Variants in KIAA0930 observed in about 807,000 individuals in gnomAD.
KIAA0930 encodes the protein uncharacterized protein KIAA0930.
In KIAA0930, 24 loss-of-function variants were observed where a neutral mutation model predicts 43.9. That is an observed-to-expected ratio of 0.55 (90% CI 0.40 to 0.77). The LOEUF is 0.77. Among genes scored for constraint, KIAA0930 ranks in the 30% least tolerant of loss-of-function variants. The pLI, the probability that KIAA0930 is intolerant of heterozygous loss-of-function variation, is 0.00. For synonymous variants in KIAA0930, 259 were observed against 216.4 expected (o/e 1.20, Z -1.73); for missense variants, 461 against 574.2 (o/e 0.80, Z 2.02).
At position 45,196,296 on chromosome 22, in the gene KIAA0930, T is replaced by G. The variant is rs1044176635; in HGVS notation, c.*880A>C. ...GTGAGTTCTAGGAAACCAGGGAAGA[T>G]GAAAAGACACCCCCGCCCCCAGAAG... On this transcript the variant is annotated 3_prime_UTR_variant, in exon 10 of 10. Coordinates refer to ENST00000336156, the MANE Select transcript of KIAA0930 (RefSeq NM_001009880.2). The surrounding 1 kb of genome is among the most constrained non-coding windows in gnomAD (Gnocchi z 4.1). 6.6e-6 allele frequency: 1 copy of G among 152,360 alleles called. No homozygotes were observed. Among genetic ancestry groups the G allele is most frequent in the Non-Finnish European group, 1.5e-5 (1 of 68,088 alleles). The allele number at this position is 152,360 out of a possible 1,614,324, so 9.4% of individuals were successfully genotyped here. A position where few individuals can be genotyped will look rare whatever the true frequency, so the allele number is the denominator to read the frequency against.
chr22:45,208,944 C>T (rs2083666730), intron 2 of KIAA0930, among the ~76,000 whole-genome samples: 3 of 152,214 alleles, frequency 2.0e-5, no homozygotes, highest in African/African-American at 4.8e-5. Context: ...GCCAGCAGCA[C>T]ACAGAGCCAG....
intron 1 of KIAA0930, among the ~76,000 whole-genome samples, chr22:45,222,274 A>C (rs560736813): frequency 6.6e-6 from 1 of 152,222 alleles, no homozygotes; most frequent in Non-Finnish European, 1.5e-5. Flanking sequence ...AGAACATAAA[A>C]GCTATTAAGG....
chr22:45,206,312 C>T (rs1050024636), intron 2 of KIAA0930, among the ~76,000 whole-genome samples: 3 of 152,250 alleles, frequency 2.0e-5, no homozygotes, highest in East Asian at 1.9e-4. Flanking sequence ...CCACCATGCC[C>T]GGCCAGAACT....
At position 45,201,469 on chromosome 22, in the gene KIAA0930, C is replaced by T. The variant is rs562370321; in HGVS notation, c.853-1434G>A. Among the ~76,000 whole-genome samples, 13 of 152,312 alleles carry T rather than the reference C, an allele frequency of 8.5e-5. No individual in the cohort carries two copies. In the South Asian group the frequency reaches 2.7e-3, roughly 32 times the overall value. On this transcript the variant is annotated intron_variant, in intron 7 of 9. Coordinates refer to ENST00000336156, the MANE Select transcript of KIAA0930 (RefSeq NM_001009880.2). ...TAGTGACCTGTAGTCACTCAGCCCT[C>T]AGGCTGTGGCTGGAGGTGGCACCCG...
chr22:45,198,701 G>C (rs1044251192), intron 8 of KIAA0930, among the ~76,000 whole-genome samples: 1 of 152,206 alleles, frequency 6.6e-6, no homozygotes, highest in Admixed American at 6.5e-5. Flanking sequence ...CCAGGCTCGA[G>C]TGCAGTGGCA....
At chr22:45,206,051 C>T (rs754401452) in intron 2 of KIAA0930, 139 bp from the exon 3 acceptor site, 41 of 1,413,842 alleles carry the variant, frequency 2.9e-5, no homozygotes, top group Admixed American at 6.1e-5. Context: ...GGTCTCACAC[C>T]GCTGCCCAGG....
intron 1 of KIAA0930, among the ~76,000 whole-genome samples, chr22:45,220,510 G>A (rs185176287): frequency 1.4e-3 from 220 of 152,136 alleles, no homozygotes; most frequent in Non-Finnish European, 2.8e-3. Flanking sequence ...GCTCAAAAGA[G>A]AAATAACACA....
intron 5 of KIAA0930, among the ~76,000 whole-genome samples, chr22:45,204,269 C>T (rs930058896): frequency 1.3e-5 from 2 of 152,186 alleles, no homozygotes; most frequent in Non-Finnish European, 1.5e-5. Context: ...GACCGTCAGC[C>T]ACCGTCTGGG....
intron 2 of KIAA0930, among the ~76,000 whole-genome samples, chr22:45,207,979 T>C (rs2083653862): frequency 6.6e-6 from 1 of 152,144 alleles, no homozygotes; most frequent in Admixed American, 6.5e-5. Flanking sequence ...CAAAGCGCTG[T>C]GGACTCAGTG....
At position 45,199,880 on chromosome 22, in the gene KIAA0930, G is replaced by A. The variant is rs771691737; in HGVS notation, c.1008C>T (p.Asp336=). The change falls in exon 8 of 10, where the codon GAC becomes GAT. Residue 336 remains aspartate (D), a synonymous_variant. Coordinates refer to ENST00000336156, the MANE Select transcript of KIAA0930 (RefSeq NM_001009880.2). ...CACGGAGTGGGGGGTCACCTCCACC[G>A]TCGTCCTCCCGGAAGAACTCCTCGC... is the stretch of plus-strand genomic sequence containing the variant. ...NDSEEFFRED[D]GGADLHNATN... is the part of the protein sequence containing the mutation. 4.3e-5 allele frequency: 68 copies of A among 1,578,378 alleles called. 1 individual carries two copies. In the South Asian group the frequency reaches 4.7e-4, roughly 11 times the overall value.
chr22:45,238,221 C>T lies in KIAA0930; in HGVS notation c.64+2419G>A, dbSNP rs540351201. On this transcript the variant is annotated intron_variant, in intron 1 of 9. Transcript: ENST00000336156. ...GATTACAGGCATGAGCCACCACGCC[C>T]GGCCAAAAATGAGGCCTTCTAAGAA... Among the ~76,000 whole-genome samples, 113 of 152,250 alleles carry T rather than the reference C, an allele frequency of 7.4e-4. 1 individual carries two copies. Among genetic ancestry groups the T allele is most frequent in the African/African-American group, 2.5e-3 (105 of 41,554 alleles).
At chr22:45,199,169 C>T (rs1238741556) in intron 8 of KIAA0930, among the ~76,000 whole-genome samples, 1 of 152,160 alleles carries the variant, frequency 6.6e-6, no homozygotes, top group Admixed American at 6.5e-5. Flanking sequence ...TTGTGTCACT[C>T]CCTTGCTTAA....
At chr22:45,231,216 C>T (rs1007397249) in intron 1 of KIAA0930, among the ~76,000 whole-genome samples, 4 of 131,164 alleles carry the variant, frequency 3.0e-5, no homozygotes, top group African/African-American at 5.4e-5. Flanking sequence ...TCTGAGACTC[C>T]GTCTCAGAAA....
Position 45,232,818 on chromosome 22 carries a change from G to A in KIAA0930, c.64+7822C>T, listed in dbSNP as rs1363973404. The stretch of plus-strand genomic sequence containing the variant: ...AGGCTGGCCCACCGCCTCTCCATGT[G>A]GTGGGGCTGAGCCAGGGCTCTGTAT... On this transcript the variant is annotated intron_variant, in intron 1 of 9. Transcript: ENST00000336156. Among the ~76,000 whole-genome samples, 4 of 152,180 alleles carry A rather than the reference G, an allele frequency of 2.6e-5. No individual in the cohort carries two copies. The East Asian group carries it at 5.8e-4, about 22-fold the overall frequency.
intron 2 of KIAA0930, among the ~76,000 whole-genome samples, chr22:45,208,082 C>T (rs2083654869): frequency 6.6e-6 from 1 of 152,180 alleles, no homozygotes; most frequent in African/African-American, 2.4e-5. Flanking sequence ...AGAAAGGTGT[C>T]CGTGTGCGCA....
chr22:45,228,406 G>A (rs374835272), intron 1 of KIAA0930, among the ~76,000 whole-genome samples: 31 of 152,094 alleles, frequency 2.0e-4, no homozygotes, highest in African/African-American at 2.7e-4. Context: ...GAGGCACAGC[G>A]CTGCCACCTG....
In KIAA0930 at chr22:45,193,909, T is replaced by C. The variant is rs1281469955; in HGVS notation, c.*3267A>G. ...CCTAGGATCATCACATTCCTTTAAA[T>C]GGAAAAGCCCACCCTACAACTTTCT... On this transcript the variant is annotated 3_prime_UTR_variant, in exon 10 of 10. Coordinates refer to ENST00000336156, the MANE Select transcript of KIAA0930 (RefSeq NM_001009880.2). The C allele has an allele frequency of 2.6e-5, 4 of 152,014 alleles. No individual in the cohort carries two copies. Among genetic ancestry groups the C allele is most frequent in the Non-Finnish European group, 5.9e-5 (4 of 68,016 alleles). The allele number at this position is 152,014 out of a possible 1,614,324, so 9.4% of individuals were successfully genotyped here.
At position 45,196,635 on chromosome 22, in the gene KIAA0930, G is replaced by A. The variant is rs556366367; in HGVS notation, c.*541C>T. The A allele has an allele frequency of 2.0e-5, 3 of 153,080 alleles. No homozygotes were observed. Among genetic ancestry groups the A allele is most frequent in the South Asian group, 4.1e-4 (2 of 4,836 alleles). 9.5% of individuals were successfully genotyped at this position (153,080 alleles called of 1,614,324 possible). A position where few individuals can be genotyped will look rare whatever the true frequency, so the allele number is the denominator to read the frequency against. The stretch of plus-strand genomic sequence containing the variant: ...CCAGGGCAAAGCCATCAAACTTCTC[G>A]TGTTCCCATCTCCTATTAGAACAAA... On this transcript the variant is annotated 3_prime_UTR_variant, in exon 10 of 10. Coordinates refer to ENST00000336156, the MANE Select transcript of KIAA0930 (RefSeq NM_001009880.2). The surrounding 1 kb of genome is among the most constrained non-coding windows in gnomAD (Gnocchi z 4.1).
chr22:45,200,984 G>T (rs548285742), intron 7 of KIAA0930: 2 of 529,586 alleles, frequency 3.8e-6, no homozygotes, highest in South Asian at 2.8e-5. Flanking sequence ...GGGCGTTCCA[G>T]CCAGAGGGAA....
Sources: gnomAD v4.1 joint callset for allele counts (sites outside exome capture counted in the v4.1 genomes callset) on GRCh38, gnomAD v4.1.1 for gene constraint, Gnocchi (gnomAD v3.1) non-coding constraint, MANE v1.5 for transcripts, NCBI Gene and HGNC (gene_info 2026-07-23, HGNC 2026-07-21) for gene names.